Variants in GRM7 observed in about 807,000 individuals in gnomAD.
GRM7 encodes metabotropic glutamate receptor 7.
A neutral mutation model predicts 84.5 loss-of-function variants in GRM7; 35 were observed. The observed-to-expected ratio is 0.41, with a 90% CI of 0.32 to 0.55. The LOEUF (loss-of-function observed/expected upper bound fraction) is 0.55. Among genes scored for constraint, GRM7 ranks in the 20% least tolerant of loss-of-function variants. The pLI, the probability that GRM7 is intolerant of heterozygous loss-of-function variation, is 0.19. For missense variants in GRM7, 1,003 were observed against 1,194.6 expected (o/e 0.84, Z 2.36); for synonymous variants, 487 against 455.1 (o/e 1.07, Z -0.89).
chr3:6,948,045 C>G (rs1378478070), intron 1 of GRM7, among the ~76,000 whole-genome samples: 2 of 152,124 alleles, frequency 1.3e-5, no homozygotes, highest in Admixed American at 1.3e-4. Context: ...TTTATTGTGT[C>G]TCTATTTCCT....
chr3:7,038,673 C>T (rs1022738149), intron 1 of GRM7, among the ~76,000 whole-genome samples: 3 of 152,058 alleles, frequency 2.0e-5, no homozygotes, highest in Non-Finnish European at 2.9e-5. Flanking sequence ...TGGAGCCTGC[C>T]ACACAATGAT....
At chr3:7,285,803 G>A (rs1296361456) in intron 2 of GRM7, among the ~76,000 whole-genome samples, 2 of 151,936 alleles carry the variant, frequency 1.3e-5, no homozygotes, top group African/African-American at 2.4e-5. Context: ...CCTTTCCACT[G>A]TTCTACTTAT....
At chr3:6,922,639 C>T (rs1697165664) in intron 1 of GRM7, among the ~76,000 whole-genome samples, 1 of 152,114 alleles carries the variant, frequency 6.6e-6, no homozygotes, top group South Asian at 2.1e-4. Flanking sequence ...CTATAACATA[C>T]ATATAGAACA....
chr3:7,447,019 G>C lies in GRM7; in HGVS notation c.1175-5588G>C, dbSNP rs538802696. On this transcript the variant is annotated intron_variant, in intron 5 of 9. Coordinates refer to ENST00000357716, the MANE Select transcript of GRM7 (RefSeq NM_000844.4). ...CAATTTATTCAACAGAAGGTTAAAAGAGTGTGCCTTTTAAAGATAAATACT... is the reference window on the plus strand; with the variant it reads ...CAATTTATTCAACAGAAGGTTAAAACAGTGTGCCTTTTAAAGATAAATACT... Among the ~76,000 whole-genome samples, 227 of 150,478 alleles carry C rather than the reference G, an allele frequency of 1.5e-3. 3 individuals are homozygous for C. The South Asian group carries it at 0.019, about 13-fold the overall frequency.
chr3:7,735,381 A>G (rs917585319), intron 9 of GRM7, among the ~76,000 whole-genome samples: 47 of 152,206 alleles, frequency 3.1e-4, no homozygotes, highest in Non-Finnish European at 1.5e-4. Context: ...TGATCCACTA[A>G]AAAGGGGAGC....
chr3:7,193,535 A>G (rs779005715), intron 2 of GRM7, among the ~76,000 whole-genome samples: 23 of 152,100 alleles, frequency 1.5e-4, no homozygotes, highest in Non-Finnish European at 2.6e-4. Context: ...GTTCAAAACA[A>G]TAAAGCTCAG....
chr3:7,090,329 T>C (rs1044366388), intron 1 of GRM7, among the ~76,000 whole-genome samples: 1 of 151,912 alleles, frequency 6.6e-6, no homozygotes. Flanking sequence ...GGAAGCACCT[T>C]TCTGGAGATA....
At chr3:7,315,470 T>C (rs1268223493) in intron 4 of GRM7, among the ~76,000 whole-genome samples, 2 of 152,196 alleles carry the variant, frequency 1.3e-5, no homozygotes, top group Non-Finnish European at 2.9e-5. Flanking sequence ...TTCATTCACC[T>C]CACAGTGTTT....
chr3:7,679,299 ACAGGGGAT>A (rs1278681374), intron 8 of GRM7, among the ~76,000 whole-genome samples: 2 of 151,984 alleles, frequency 1.3e-5, no homozygotes, highest in Non-Finnish European at 2.9e-5. Context: ...GGAAGGCAAG[ACAGGGGAT>A]CAGGGGGTCA....
chr3:7,482,657 C>A (rs1400271179), intron 7 of GRM7, among the ~76,000 whole-genome samples: 1 of 152,172 alleles, frequency 6.6e-6, no homozygotes. Flanking sequence ...GTGAAAGACC[C>A]TCTATAGCAA....
Position 6,861,487 on chromosome 3 carries a change from C to T in GRM7, c.99C>T (p.Arg33=). Residue 33 remains arginine (R), a synonymous_variant, in exon 1 of 10, where the codon CGC becomes CGT. Coordinates refer to ENST00000357716, the MANE Select transcript of GRM7 (RefSeq NM_000844.4). This position sits in a 1 kb window ranked among gnomAD's most constrained non-coding sequence, Gnocchi z 6.4. ...TGTGCGCGCTGGCGGCGGCGGCGCG[C>T]GGCCAGGAGATGTACGCCCCGCACT... ...VLLCALAAAA[R]GQEMYAPHSI... 1.3e-6 allele frequency: 2 copies of T among 1,579,590 alleles called. No homozygotes were observed. Among genetic ancestry groups the T allele is most frequent in the Admixed American group, 1.9e-5 (1 of 53,004 alleles).
At chr3:6,917,867 A>T (rs1334111649) in intron 1 of GRM7, among the ~76,000 whole-genome samples, 1 of 152,156 alleles carries the variant, frequency 6.6e-6, no homozygotes, top group Admixed American at 6.5e-5. Context: ...GTAAATCAAA[A>T]TAGTACAGAA....
At chr3:6,957,363 G>A (rs555896350) in intron 1 of GRM7, among the ~76,000 whole-genome samples, 7 of 152,298 alleles carry the variant, frequency 4.6e-5, no homozygotes, top group East Asian at 1.9e-4. Context: ...CCGAAGCCCC[G>A]GTGTGATGTG....
intron 5 of GRM7, among the ~76,000 whole-genome samples, chr3:7,430,925 C>T (rs2124848224): frequency 6.6e-6 from 1 of 152,244 alleles, no homozygotes; most frequent in Non-Finnish European, 1.5e-5. Flanking sequence ...GTTTCTGAAG[C>T]CCAGAGTTTG....
intron 1 of GRM7, among the ~76,000 whole-genome samples, chr3:7,059,635 A>G (rs560013226): frequency 4.6e-5 from 7 of 151,656 alleles, no homozygotes; most frequent in Non-Finnish European, 1.0e-4. Context: ...GTATGTTATT[A>G]TCTTAACCCT....
chr3:7,558,177 T>A lies in GRM7; in HGVS notation c.1516-20245T>A, dbSNP rs182356925. The stretch of plus-strand genomic sequence containing the variant: ...TAAGATGTATGACTTGGATGCATCT[T>A]TTAAATTTACATTTAATGCTTGAGC... On this transcript the variant is annotated intron_variant, in intron 7 of 9. Coordinates refer to ENST00000357716, the MANE Select transcript of GRM7 (RefSeq NM_000844.4). Among the ~76,000 whole-genome samples, 11 of 152,272 alleles carry A rather than the reference T, an allele frequency of 7.2e-5. No individual in the cohort carries two copies. The East Asian group carries it at 1.7e-3, about 24-fold the overall frequency.
intron 4 of GRM7, among the ~76,000 whole-genome samples, chr3:7,406,448 C>A (rs112265462): frequency 1.4e-4 from 21 of 151,154 alleles, no homozygotes; most frequent in Admixed American, 1.3e-3. Flanking sequence ...TGCAGTGAGC[C>A]GAGATCACAC....
chr3:7,704,750 C>G (rs1051774756), intron 9 of GRM7, among the ~76,000 whole-genome samples: 1 of 152,118 alleles, frequency 6.6e-6, no homozygotes, highest in Non-Finnish European at 1.5e-5. Flanking sequence ...GAATGCCCAT[C>G]CAGCCATCTT....
rs895811388 is a variant in GRM7 at position 7,515,869 on chromosome 3, A to G, written c.1515+54147A>G. ...TAAAAATGAAATGGTAAGGCCAAGC[A>G]TGATGGCTCACACCTGTAATCCCAG... On this transcript the variant is annotated intron_variant, in intron 7 of 9. Coordinates refer to ENST00000357716, the MANE Select transcript of GRM7 (RefSeq NM_000844.4). Among the ~76,000 whole-genome samples, 6 of 152,246 alleles carry G rather than the reference A, an allele frequency of 3.9e-5. No homozygotes were observed. The East Asian group carries it at 1.2e-3, about 30-fold the overall frequency.
Sources: gnomAD v4.1 joint callset for allele counts (sites outside exome capture counted in the v4.1 genomes callset) on GRCh38, gnomAD v4.1.1 for gene constraint, Gnocchi (gnomAD v3.1) non-coding constraint, MANE v1.5 for transcripts, NCBI Gene and HGNC (gene_info 2026-07-23, HGNC 2026-07-21) for gene names.